ABCA13: variants seen among roughly 807,000 people sequenced by gnomAD.
The protein encoded by ABCA13 is ATP binding cassette subfamily A member 13, also known as ATP-binding cassette sub-family A member 13.
In ABCA13, 476 loss-of-function variants were observed where a neutral mutation model predicts 478.7. The ratio of observed to expected loss-of-function variants is 0.99; its 90% confidence interval spans 0.92 to 1.07. ABCA13 has a LOEUF of 1.07. Ranked by LOEUF, ABCA13 falls within the 50% of genes least tolerant of loss-of-function variation. The pLI is 0.00. For missense variants in ABCA13, 6,060 were observed against 5,910.6 expected (o/e 1.03, Z -0.83); for synonymous variants, 2,252 against 2,158.9 (o/e 1.04, Z -1.20).
chr7:48,634,844 C>T (rs1253778732), intron 59 of ABCA13, among the ~76,000 whole-genome samples: 1 of 152,130 alleles, frequency 6.6e-6, no homozygotes, highest in Non-Finnish European at 1.5e-5. Context: ...TTTCATTCAT[C>T]TCAAAGTATT....
intron 58 of ABCA13, among the ~76,000 whole-genome samples, chr7:48,601,394 A>G (rs1790883137): frequency 6.6e-6 from 1 of 152,006 alleles, no homozygotes; most frequent in South Asian, 2.1e-4. Flanking sequence ...CACCCCCGCA[A>G]CAGGCCCCGG....
chr7:48,613,212 G>C (rs1240904165), intron 58 of ABCA13, among the ~76,000 whole-genome samples: 2 of 150,744 alleles, frequency 1.3e-5, no homozygotes, highest in African/African-American at 4.9e-5. Flanking sequence ...TTTTGAGATG[G>C]AGTCTTACTC....
At chr7:48,538,040 C>CA (rs60882162) in intron 55 of ABCA13, among the ~76,000 whole-genome samples, 20,832 of 150,704 alleles carry the variant, frequency 0.14, 1,828 homozygotes, top group African/African-American at 0.23. Context: ...GTATTTTTAT[C>CA]AAACTTTAGA....
chr7:48,187,976 A>G (rs1333100358), intron 1 of ABCA13, among the ~76,000 whole-genome samples: 1 of 151,632 alleles, frequency 6.6e-6, no homozygotes, highest in Non-Finnish European at 1.5e-5. Flanking sequence ...TGCCACCTAT[A>G]CTTGGGGAGT....
At chr7:48,545,820 AATG>A (rs10553732) in intron 55 of ABCA13, among the ~76,000 whole-genome samples, 21,100 of 151,484 alleles carry the variant, frequency 0.14, 2,008 homozygotes, top group African/African-American at 0.23. Context: ...GTTAAAAACA[AATG>A]ATGTACTGCT....
At chr7:48,278,072 A>G (rs1447581083) in intron 17 of ABCA13, 22 bp from the exon 18 acceptor site, 7 of 553,226 alleles carry the variant, frequency 1.3e-5, no homozygotes, top group Non-Finnish European at 1.8e-5. Context: ...AATTAAAAGT[A>G]TATATATATA....
chr7:48,639,469 C>T (rs961507642), intron 59 of ABCA13, among the ~76,000 whole-genome samples: 1 of 152,200 alleles, frequency 6.6e-6, no homozygotes, highest in African/African-American at 2.4e-5. Context: ...CCATATTCCA[C>T]AGTCAGTGCT....
In ABCA13 at chr7:48,519,994, G is replaced by A. The variant is rs770035357; in HGVS notation, c.13798-47G>A. On this transcript the variant is annotated intron_variant, in intron 52 of 61. Coordinates refer to ENST00000435803, the MANE Select transcript of ABCA13 (RefSeq NM_152701.5). ...AAGTTATTGGTATATATTATGAAAA[G>A]GGGAATAGCTTTTAATTGGATTTTT... The A allele has an allele frequency of 1.0e-5, 16 of 1,537,472 alleles. No individual in the cohort carries two copies. In the African/African-American group the frequency reaches 1.7e-4, roughly 16 times the overall value.
intron 1 of ABCA13, among the ~76,000 whole-genome samples, chr7:48,182,558 A>T (rs968591580): frequency 6.6e-6 from 1 of 152,196 alleles, no homozygotes; most frequent in African/African-American, 2.4e-5. Context: ...CAAAGTCTCT[A>T]GCTCAATGTT....
chr7:48,253,747 G>A (rs1792939315), intron 15 of ABCA13, among the ~76,000 whole-genome samples: 1 of 152,182 alleles, frequency 6.6e-6, no homozygotes, highest in African/African-American at 2.4e-5. Context: ...GCTTCCCAGA[G>A]TGCTGGGATT....
Position 48,272,576 on chromosome 7 carries a change from A to G in ABCA13, c.2910A>G (p.Arg970=). ...TGCAAATTTATTCTTCATTTTACCG[A>G]TATATTTATGAATTATTGAATATTC... The part of the protein sequence containing the change: ...LLLQIYSSFY[R]YIYELLNIQS... Residue 970 remains arginine, a synonymous_variant, in exon 17 of 62, where the codon CGA becomes CGG. Coordinates refer to ENST00000435803, the MANE Select transcript of ABCA13 (RefSeq NM_152701.5). 1.2e-6 allele frequency: 2 copies of G among 1,613,648 alleles called. No homozygotes were observed. The highest frequency in any genetic ancestry group is 1.1e-5 in the South Asian group (1 of 91,068).
Position 48,293,895 on chromosome 7 carries a change from GAGTCT to G in ABCA13, c.8956-1804_8956-1800del, listed in dbSNP as rs1798942581. Among the ~76,000 whole-genome samples, 4 of 152,262 alleles carry G rather than the reference GAGTCT, an allele frequency of 2.6e-5. No individual in the cohort carries two copies. In the South Asian group the frequency reaches 8.3e-4, roughly 32 times the overall value. ...CTGGAGTCTTTCCAGATGTTCCCCA[GAGTCT>G]TAGGAGCCTCTCCACCTGCAGTGGA... On this transcript the variant is annotated intron_variant, in intron 20 of 61. Coordinates refer to ENST00000435803, the MANE Select transcript of ABCA13 (RefSeq NM_152701.5).
intron 41 of ABCA13, among the ~76,000 whole-genome samples, chr7:48,427,372 C>G (rs1821574263): frequency 6.6e-6 from 1 of 152,180 alleles, no homozygotes; most frequent in Non-Finnish European, 1.5e-5. Flanking sequence ...TGTAAGTAAA[C>G]TGAGCATTGC....
At chr7:48,172,147 T>A (rs1794163340) in intron 1 of ABCA13, among the ~76,000 whole-genome samples, 3 of 152,220 alleles carry the variant, frequency 2.0e-5, no homozygotes, top group African/African-American at 7.2e-5. Flanking sequence ...ATCCTGTAAG[T>A]GTACGTTTTT....
chr7:48,300,762 C>T (rs991771296), intron 23 of ABCA13, among the ~76,000 whole-genome samples: 1 of 152,182 alleles, frequency 6.6e-6, no homozygotes, highest in African/African-American at 2.4e-5. Flanking sequence ...GCTCTATTCT[C>T]TAATATCAGC....
chr7:48,454,219 G>C (rs924718628), intron 42 of ABCA13, among the ~76,000 whole-genome samples: 3 of 152,136 alleles, frequency 2.0e-5, no homozygotes, highest in Admixed American at 2.0e-4. Context: ...TTTGGACGTC[G>C]TTTAAGACTG....
chr7:48,477,516 T>G (rs1370731129), intron 45 of ABCA13, among the ~76,000 whole-genome samples: 1 of 151,682 alleles, frequency 6.6e-6, no homozygotes, highest in African/African-American at 2.4e-5. Context: ...ATAGACTGGA[T>G]TAAGAAAATG....
intron 46 of ABCA13, among the ~76,000 whole-genome samples, chr7:48,481,609 G>C (rs769487561): frequency 1.8e-5 from 1 of 55,794 alleles, no homozygotes; most frequent in Non-Finnish European, 3.8e-5. Context: ...AGGTTCAAGA[G>C]ATTCTCGTGC....
chr7:48,319,565 G>A (rs1448147709), intron 27 of ABCA13, among the ~76,000 whole-genome samples: 2 of 152,234 alleles, frequency 1.3e-5, no homozygotes, highest in Admixed American at 6.5e-5. Context: ...TATTTAAGAC[G>A]TGGTCTTTTT....
Sources: gnomAD v4.1 joint callset for allele counts (sites outside exome capture counted in the v4.1 genomes callset) on GRCh38, gnomAD v4.1.1 for gene constraint, MANE v1.5 for transcripts, NCBI Gene and HGNC (gene_info 2026-07-23, HGNC 2026-07-21) for gene names.